PTPRM: variants seen among roughly 807,000 people sequenced by gnomAD.
PTPRM encodes receptor-type tyrosine-protein phosphatase mu.
A neutral mutation model predicts 186.7 loss-of-function variants in PTPRM; 47 were observed. The ratio of observed to expected loss-of-function variants is 0.25; its 90% CI spans 0.20 to 0.32. The LOEUF is 0.32. Among genes scored for constraint, PTPRM ranks in the 10% least tolerant of loss-of-function variants. The pLI, the probability that PTPRM is intolerant of heterozygous loss-of-function variation, is 1.00. For synonymous variants in PTPRM, 668 were observed against 674.9 expected (o/e 0.99, Z 0.16); for missense variants, 1,494 against 1,865.0 (o/e 0.80, Z 3.66).
intron 2 of PTPRM, among the ~76,000 whole-genome samples, chr18:7,853,759 C>T (rs2046973483): frequency 6.6e-6 from 1 of 151,730 alleles, no homozygotes; most frequent in Non-Finnish European, 1.5e-5. Flanking sequence ...TATTCTATAC[C>T]AAGCTGATTC....
chr18:8,090,688 C>G (rs546111294), intron 11 of PTPRM, among the ~76,000 whole-genome samples: 10 of 152,224 alleles, frequency 6.6e-5, no homozygotes, highest in African/African-American at 2.2e-4. Flanking sequence ...CTCTGCCTCC[C>G]AGGTTCAAGC....
rs776221430 is a variant in PTPRM at position 8,370,915 on chromosome 18, A to T, written c.3080A>T (p.Asp1027Val). Residue 1027 changes from aspartate to valine, a missense_variant, in exon 24 of 33, where the codon GAT (aspartate) becomes GTT (valine). By Grantham distance (152) the Asp-to-Val change is radical (BLOSUM62 -3). Coordinates refer to ENST00000580170, the MANE Select transcript of PTPRM (RefSeq NM_001105244.2). ...GRVKCCKYWP[D>V]DTEIYKDIKV... The stretch of plus-strand genomic sequence containing the variant: ...GTCAAATGCTGCAAATACTGGCCAG[A>T]TGACACAGAGATATATAAAGACATT... 61 of 1,603,226 alleles carry T rather than the reference A, an allele frequency of 3.8e-5. No individual in the cohort carries two copies. The highest frequency in any genetic ancestry group is 4.8e-5 in the Non-Finnish European group (56 of 1,172,770).
chr18:8,312,025 T>C (rs1270900663), intron 20 of PTPRM, among the ~76,000 whole-genome samples: 2 of 152,180 alleles, frequency 1.3e-5, no homozygotes. Context: ...AGGTTCTAAT[T>C]CGGTCGGTTG....
At chr18:7,723,021 G>A (rs2144873128) in intron 1 of PTPRM, among the ~76,000 whole-genome samples, 1 of 152,294 alleles carries the variant, frequency 6.6e-6, no homozygotes, top group South Asian at 2.1e-4. Context: ...CAAGAAGCCA[G>A]CAACTCCAGG....
chr18:7,952,770 C>T (rs35521625), intron 6 of PTPRM, among the ~76,000 whole-genome samples: 21,539 of 151,946 alleles, frequency 0.14, 1,792 homozygotes, highest in Non-Finnish European at 0.19. Context: ...CTTTGGGAGG[C>T]CGAGGCTGGC....
chr18:7,968,726 G>T (rs1320417090), intron 7 of PTPRM, among the ~76,000 whole-genome samples: 1 of 32,384 alleles, frequency 3.1e-5, no homozygotes, highest in East Asian at 4.5e-4. Flanking sequence ...TTACATAATG[G>T]TAAAGGGATC....
chr18:7,665,548 G>C (rs148718785), intron 1 of PTPRM, among the ~76,000 whole-genome samples: 1 of 152,116 alleles, frequency 6.6e-6, no homozygotes, highest in South Asian at 2.1e-4. Context: ...ATTTTATTTT[G>C]CTTGAAGTTA....
chr18:7,622,036 C>T (rs932696173), intron 1 of PTPRM, among the ~76,000 whole-genome samples: 1 of 152,148 alleles, frequency 6.6e-6, no homozygotes, highest in Admixed American at 6.5e-5. Context: ...TTGTAAAAAC[C>T]TGCCCAACTG....
At chr18:7,959,395 T>C (rs1262590354) in intron 7 of PTPRM, among the ~76,000 whole-genome samples, 1 of 152,230 alleles carries the variant, frequency 6.6e-6, no homozygotes, top group African/African-American at 2.4e-5. Context: ...GGCCAAGCTC[T>C]GTGTTTTCGT....
At chr18:7,694,727 A>C (rs1295158798) in intron 1 of PTPRM, among the ~76,000 whole-genome samples, 2 of 152,146 alleles carry the variant, frequency 1.3e-5, no homozygotes, top group African/African-American at 4.8e-5. Context: ...GTGCCGCTGG[A>C]AACCCTTTTC....
chr18:7,826,136 G>C (rs1360115255), intron 2 of PTPRM, among the ~76,000 whole-genome samples: 1 of 152,200 alleles, frequency 6.6e-6, no homozygotes, highest in Non-Finnish European at 1.5e-5. Context: ...GTGAGGCTCT[G>C]TTAGGTGGTG....
chr18:8,236,154 T>G (rs1331360074), intron 14 of PTPRM, among the ~76,000 whole-genome samples: 2 of 152,212 alleles, frequency 1.3e-5, no homozygotes, highest in Non-Finnish European at 2.9e-5. Flanking sequence ...AGCTGTCCAT[T>G]ACTGACAGAG....
chr18:7,961,437 A>G (rs892133232), intron 7 of PTPRM, among the ~76,000 whole-genome samples: 2 of 152,222 alleles, frequency 1.3e-5, no homozygotes, highest in Non-Finnish European at 2.9e-5. Flanking sequence ...TATCCATGTC[A>G]TCACGTGTGC....
intron 1 of PTPRM, among the ~76,000 whole-genome samples, chr18:7,619,913 C>T (rs2105669): frequency 0.032 from 4,931 of 152,262 alleles, 270 homozygotes; most frequent in African/African-American, 0.11. Flanking sequence ...TGGAAACTTG[C>T]AGTTGATTCT....
chr18:8,236,931 T>A (rs893460747), intron 14 of PTPRM, among the ~76,000 whole-genome samples: 1 of 152,250 alleles, frequency 6.6e-6, no homozygotes, highest in Non-Finnish European at 1.5e-5. Context: ...TTTGTTGCTC[T>A]TATTCTTTCT....
At position 8,244,196 on chromosome 18, in the gene PTPRM, T is replaced by C; in HGVS notation, c.2439T>C (p.Asn813=). 6.4e-7 allele frequency: 1 copy of C among 1,570,370 alleles called. No homozygotes were observed. The highest frequency in any genetic ancestry group is 1.2e-5 in the South Asian group (1 of 81,822). ...DEAFSFMDTH[N]LNGRSVSSPS... is the part of the protein sequence containing the mutation. ...CTTTCTCATTCATGGACACGCACAA[T>C]CTGAATGGGAGATGTAAGTGCATAT... is the stretch of plus-strand genomic sequence containing the variant. The change falls in exon 15 of 33, where the codon AAT becomes AAC. Residue 813 remains asparagine, a synonymous_variant. Coordinates refer to ENST00000580170, the MANE Select transcript of PTPRM (RefSeq NM_001105244.2).
At chr18:8,007,001 C>G (rs2084227462) in intron 7 of PTPRM, among the ~76,000 whole-genome samples, 1 of 152,156 alleles carries the variant, frequency 6.6e-6, no homozygotes, top group South Asian at 2.1e-4. Flanking sequence ...TCAACTCTGT[C>G]CAAAAGGTAA....
At chr18:8,069,346 C>T (rs1200418423) in intron 7 of PTPRM, among the ~76,000 whole-genome samples, 1 of 152,162 alleles carries the variant, frequency 6.6e-6, no homozygotes, top group African/African-American at 2.4e-5. Flanking sequence ...GAGCTCCAAA[C>T]ATCATATCCT....
intron 2 of PTPRM, among the ~76,000 whole-genome samples, chr18:7,867,010 C>G (rs528523440): frequency 6.6e-6 from 1 of 151,954 alleles, no homozygotes; most frequent in Admixed American, 6.6e-5. Flanking sequence ...GGATTGCAAC[C>G]CCTGCTTTTT....
Sources: allele counts gnomAD v4.1 joint callset (sites outside exome capture counted in the v4.1 genomes callset), GRCh38; gene constraint gnomAD v4.1.1; transcripts MANE v1.5; gene names NCBI Gene and HGNC (gene_info 2026-07-23, HGNC 2026-07-21).